The following MTSS1 variants were observed in gnomAD, a reference collection of about 807,000 sequenced individuals.
The protein encoded by MTSS1 is protein MTSS 1.
In MTSS1, 18 loss-of-function variants were observed where a neutral mutation model predicts 79.0. The ratio of observed to expected loss-of-function variants is 0.23; its 90% CI spans 0.16 to 0.34. The LOEUF (loss-of-function observed/expected upper bound fraction) is 0.34, where lower values mean the gene tolerates loss of function less well. Among genes scored for constraint, MTSS1 ranks in the 10% least tolerant of loss-of-function variants. The pLI is 1.00. For synonymous variants in MTSS1, 341 were observed against 368.6 expected (o/e 0.93, Z 0.86); for missense variants, 815 against 986.2 (o/e 0.83, Z 2.33).
At chr8:124,565,125 G>T (rs1379160828) in intron 9 of MTSS1, among the ~76,000 whole-genome samples, 1 of 152,214 alleles carries the variant, frequency 6.6e-6, no homozygotes, top group Non-Finnish European at 1.5e-5. Flanking sequence ...AACAGATTTT[G>T]TTCCAATAGG....
rs73341859 is a variant in MTSS1, at chr8:124,604,673, C to T, written c.209-13438G>A. Among the ~76,000 whole-genome samples the T allele has an allele frequency of 7.7e-3, 1,166 of 152,052 alleles. 15 individuals carry two copies. Among genetic ancestry groups the T allele is most frequent in the African/African-American group, 0.025 (1,044 of 41,458 alleles). On this transcript the variant is annotated intron_variant, in intron 3 of 13. Transcript: ENST00000518547. ...TAATGAATAACCCAGCTGGTGTTTACGGGACAGCTAATACTGCACATTCAG... is the reference window on the plus strand; with the variant it reads ...TAATGAATAACCCAGCTGGTGTTTATGGGACAGCTAATACTGCACATTCAG...
At chr8:124,654,741 C>T (rs1820622763) in intron 3 of MTSS1, among the ~76,000 whole-genome samples, 1 of 152,140 alleles carries the variant, frequency 6.6e-6, no homozygotes, top group South Asian at 2.1e-4. Flanking sequence ...GACTATCTGA[C>T]AAGCATAATG....
intron 3 of MTSS1, among the ~76,000 whole-genome samples, chr8:124,675,672 A>C (rs939918499): frequency 6.6e-6 from 1 of 152,132 alleles, no homozygotes; most frequent in Non-Finnish European, 1.5e-5. Flanking sequence ...ACTCTCACCA[A>C]CCTCTGGCAA....
At chr8:124,650,100 G>A (rs974049703) in intron 3 of MTSS1, among the ~76,000 whole-genome samples, 4 of 151,154 alleles carry the variant, frequency 2.6e-5, no homozygotes, top group Non-Finnish European at 2.9e-5. Context: ...GTGCAATTTC[G>A]GCTCACTGCA....
intron 3 of MTSS1, among the ~76,000 whole-genome samples, chr8:124,606,012 G>A (rs1451431768): frequency 2.1e-5 from 3 of 143,978 alleles, no homozygotes; most frequent in South Asian, 2.2e-4. Context: ...TGTTGTCCAG[G>A]CTAGAGTGCT....
chr8:124,564,369 GC>G (rs1416905392), intron 9 of MTSS1, among the ~76,000 whole-genome samples: 1 of 152,100 alleles, frequency 6.6e-6, no homozygotes, highest in African/African-American at 2.4e-5. Flanking sequence ...GTACTCAAGG[GC>G]CGCGTGACTG....
At chr8:124,640,951 C>G (rs569587269) in intron 3 of MTSS1, among the ~76,000 whole-genome samples, 1 of 151,954 alleles carries the variant, frequency 6.6e-6, no homozygotes, top group African/African-American at 2.4e-5. Context: ...CAACTCTTTC[C>G]AAAACACATA....
At chr8:124,652,330 T>A (rs1188013847) in intron 3 of MTSS1, among the ~76,000 whole-genome samples, 1 of 152,048 alleles carries the variant, frequency 6.6e-6, no homozygotes, top group Non-Finnish European at 1.5e-5. Context: ...CATGCCACCA[T>A]GCCTGGCTAA....
At chr8:124,588,427 C>T (rs1306050336) in intron 5 of MTSS1, among the ~76,000 whole-genome samples, 1 of 152,190 alleles carries the variant, frequency 6.6e-6, no homozygotes, top group Non-Finnish European at 1.5e-5. Context: ...GAAGCTCTTA[C>T]GAAGGTCTGG....
intron 3 of MTSS1, among the ~76,000 whole-genome samples, chr8:124,614,184 A>AGG (rs1836409544): frequency 2.1e-5 from 3 of 142,746 alleles, no homozygotes; most frequent in African/African-American, 8.1e-5. Flanking sequence ...AAAAAAAAAA[A>AGG]GGGTAGGAAT....
intron 5 of MTSS1, among the ~76,000 whole-genome samples, chr8:124,587,677 G>C (rs1056728252): frequency 1.6e-4 from 24 of 151,852 alleles, no homozygotes; most frequent in Non-Finnish European, 2.9e-4. Context: ...TGGTTTTTTT[G>C]TATTTTTAGT....
At chr8:124,720,384 C>G (rs1832732125) in intron 1 of MTSS1, among the ~76,000 whole-genome samples, 1 of 152,194 alleles carries the variant, frequency 6.6e-6, no homozygotes, top group Non-Finnish European at 1.5e-5. Flanking sequence ...ACAGGGCAGA[C>G]TAGAGGCACA....
At chr8:124,602,577 G>T (rs1194304932) in intron 3 of MTSS1, among the ~76,000 whole-genome samples, 1 of 152,174 alleles carries the variant, frequency 6.6e-6, no homozygotes, top group African/African-American at 2.4e-5. Context: ...AGGCCTGCAG[G>T]TTGAACAAGC....
intron 3 of MTSS1, among the ~76,000 whole-genome samples, chr8:124,611,242 T>C (rs1241552741): frequency 2.0e-5 from 3 of 152,074 alleles, no homozygotes; most frequent in Non-Finnish European, 2.9e-5. Flanking sequence ...CAGGGGAATA[T>C]ATTTGTATAG....
chr8:124,604,686 A>T (rs1834498247), intron 3 of MTSS1, among the ~76,000 whole-genome samples: 1 of 152,160 alleles, frequency 6.6e-6, no homozygotes, highest in Non-Finnish European at 1.5e-5. Context: ...GACAGCTAAT[A>T]CTGCACATTC....
chr8:124,577,841 G>C (rs752212123), intron 6 of MTSS1, among the ~76,000 whole-genome samples: 1 of 152,108 alleles, frequency 6.6e-6, no homozygotes, highest in African/African-American at 2.4e-5. Context: ...TGGGGGTGGG[G>C]TTGCAGGGAA....
chr8:124,567,243 A>C, intron 7 of MTSS1, 65 bp from the exon 8 acceptor site: 1 of 1,306,574 alleles, frequency 7.7e-7, no homozygotes, highest in Non-Finnish European at 1.1e-6. Flanking sequence ...CTCTAGTCCA[A>C]TTGTTTTCAT....
chr8:124,669,339 CAG>C (rs1485167147), intron 3 of MTSS1, among the ~76,000 whole-genome samples: 3 of 152,350 alleles, frequency 2.0e-5, no homozygotes, highest in Non-Finnish European at 4.4e-5. Context: ...GATGCTAACT[CAG>C]GGGTGAATAA....
intron 10 of MTSS1, 192 bp from the exon 11 acceptor site, chr8:124,558,067 C>T: frequency 1.8e-6 from 1 of 546,064 alleles, no homozygotes; most frequent in South Asian, 2.7e-5. Flanking sequence ...GCAAAGAATG[C>T]ACATGAGTTT....
Sources: gnomAD v4.1 joint callset for allele counts (sites outside exome capture counted in the v4.1 genomes callset) on GRCh38, gnomAD v4.1.1 for gene constraint, MANE v1.5 for transcripts, NCBI Gene and HGNC (gene_info 2026-07-23, HGNC 2026-07-21) for gene names.